The following CDS1 variants were observed in gnomAD, a reference collection of about 807,000 sequenced individuals.
The protein encoded by CDS1 is phosphatidate cytidylyltransferase 1.
In CDS1, 41 loss-of-function variants were observed where a neutral mutation model predicts 62.1. That is an observed-to-expected ratio of 0.66 (90% CI 0.51 to 0.86). The LOEUF is 0.86. CDS1 is among the 40% of genes least tolerant of loss of function. The pLI is 0.00. For synonymous variants in CDS1, 185 were observed against 192.6 expected, an observed-to-expected ratio of 0.96 and a Z score of 0.32; for missense variants, 470 against 550.1, an observed-to-expected ratio of 0.85 and a Z score of 1.46.
chr4:84,613,634 A>G (rs1723400533), intron 3 of CDS1, among the ~76,000 whole-genome samples: 2 of 152,186 alleles, frequency 1.3e-5, no homozygotes, highest in African/African-American at 2.4e-5. Context: ...CAAAACTTCT[A>G]GGAAATTACA....
At chr4:84,623,100 A>G (rs1723741254) in intron 5 of CDS1, among the ~76,000 whole-genome samples, 1 of 151,990 alleles carries the variant, frequency 6.6e-6, no homozygotes, top group African/African-American at 2.4e-5. Context: ...GCCTTTTTTC[A>G]TGGAGACTTC....
rs778849082 is a variant in CDS1 at position 84,617,672 on chromosome 4, T to C, written c.440+11T>C. On this transcript the variant is annotated intron_variant, in intron 4 of 12. Transcript: ENST00000295887. ...TAGAACACTAAGTTGGTAAGTAAGCTTGAAACTATTTCAGATATGAAAAGT... is the reference window on the plus strand; with the variant it reads ...TAGAACACTAAGTTGGTAAGTAAGCCTGAAACTATTTCAGATATGAAAAGT... 7.9e-7 allele frequency: 1 copy of C among 1,263,596 alleles called. No individual in the cohort carries two copies. 78.3% of individuals were successfully genotyped at this position (1,263,596 alleles called of 1,614,324 possible). A position where few individuals can be genotyped will look rare whatever the true frequency, so the allele number is the denominator to read the frequency against.
rs190590148 is a variant in CDS1 at position 84,637,783 on chromosome 4, C to T, written c.811-1141C>T. Among the ~76,000 whole-genome samples the T allele has an allele frequency of 2.8e-4, 42 of 152,266 alleles. 1 individual carries two copies. The East Asian group carries it at 7.5e-3, about 27-fold the overall frequency. On this transcript the variant is annotated intron_variant, in intron 8 of 12. Coordinates refer to ENST00000295887, the MANE Select transcript of CDS1 (RefSeq NM_001263.4). ...ATAATTGAACAGTTAACCCCTAAATCGATATGATATGCATCAATTTAATTT... is the reference window on the plus strand; with the variant it reads ...ATAATTGAACAGTTAACCCCTAAATTGATATGATATGCATCAATTTAATTT...
At chr4:84,607,819 G>A (rs1164922571) in intron 2 of CDS1, among the ~76,000 whole-genome samples, 1 of 152,016 alleles carries the variant, frequency 6.6e-6, no homozygotes, top group Non-Finnish European at 1.5e-5. Flanking sequence ...AAAATCTCTT[G>A]TAACATAATT....
chr4:84,626,418 C>T (rs1723863600), intron 5 of CDS1, among the ~76,000 whole-genome samples: 2 of 152,084 alleles, frequency 1.3e-5, no homozygotes, highest in Non-Finnish European at 2.9e-5. Context: ...TACATCACAC[C>T]AGGATATTGA....
At chr4:84,584,364 T>C (rs939753016) in intron 1 of CDS1, among the ~76,000 whole-genome samples, 1 of 152,208 alleles carries the variant, frequency 6.6e-6, no homozygotes, top group Non-Finnish European at 1.5e-5. Context: ...AGAGAATAGA[T>C]TGTTGTATCA....
At chr4:84,583,553 T>C (rs1578009309) in intron 1 of CDS1, 35 bp downstream of exon 1, 1 of 1,326,214 alleles carries the variant, frequency 7.5e-7, no homozygotes, top group Non-Finnish European at 1.0e-6. Context: ...CGCCGCGCCC[T>C]GGCTGGGTCC....
At chr4:84,616,993 CAGCCAG>C (rs1182428743) in intron 3 of CDS1, among the ~76,000 whole-genome samples, 2 of 152,180 alleles carry the variant, frequency 1.3e-5, no homozygotes, top group Non-Finnish European at 2.9e-5. Flanking sequence ...TTAGATTGAG[CAGCCAG>C]TAGCTGGCTA....
chr4:84,630,478 A>G (rs1185194192), intron 5 of CDS1, among the ~76,000 whole-genome samples: 1 of 152,186 alleles, frequency 6.6e-6, no homozygotes, highest in Non-Finnish European at 1.5e-5. Flanking sequence ...AAAGTAGCGA[A>G]AGGCAGCTGC....
At chr4:84,612,988 CAAAA>C (rs779175772) in intron 3 of CDS1, among the ~76,000 whole-genome samples, 6 of 60,624 alleles carry the variant, frequency 9.9e-5, no homozygotes, top group Non-Finnish European at 1.0e-4. Context: ...GATCCTGTCT[CAAAA>C]AAAAAAAAAA....
At chr4:84,633,736 T>C (rs1215662297) in intron 6 of CDS1, 121 bp from the exon 7 acceptor site, 8 of 480,082 alleles carry the variant, frequency 1.7e-5, no homozygotes, top group Middle Eastern at 3.1e-4. Context: ...TTTATATGAC[T>C]CTAACTTGTA....
At chr4:84,613,558 C>T (rs925632731) in intron 3 of CDS1, among the ~76,000 whole-genome samples, 3 of 151,948 alleles carry the variant, frequency 2.0e-5, no homozygotes, top group Non-Finnish European at 4.4e-5. Flanking sequence ...TTCAGTGAGC[C>T]GAGATCGCGC....
At chr4:84,592,226 C>T (rs1309891548) in intron 1 of CDS1, among the ~76,000 whole-genome samples, 3 of 130,870 alleles carry the variant, frequency 2.3e-5, no homozygotes, top group Admixed American at 1.9e-4. Context: ...TGCAGTGGCA[C>T]GATCTTGGGT....
At chr4:84,608,618 A>G (rs1723208548) in intron 2 of CDS1, among the ~76,000 whole-genome samples, 2 of 152,196 alleles carry the variant, frequency 1.3e-5, no homozygotes, top group South Asian at 4.1e-4. Flanking sequence ...CATTTCACTG[A>G]AATCACTGTT....
At chr4:84,634,091 T>C (rs1724105913) in intron 7 of CDS1, 152 bp downstream of exon 7, 1 of 421,446 alleles carries the variant, frequency 2.4e-6, no homozygotes, top group African/African-American at 2.0e-5. Context: ...TGCTTACTCT[T>C]TGACAACTAA....
chr4:84,625,063 G>A (rs953512405), intron 5 of CDS1, among the ~76,000 whole-genome samples: 4 of 152,046 alleles, frequency 2.6e-5, no homozygotes, highest in Non-Finnish European at 5.9e-5. Flanking sequence ...GTTTCACTAT[G>A]TTGCTCAGGC....
At chr4:84,639,164 A>G (rs778313384) in intron 9 of CDS1, among the ~76,000 whole-genome samples, 172 bp downstream of exon 9, 133 of 152,312 alleles carry the variant, frequency 8.7e-4, no homozygotes, top group Middle Eastern at 3.4e-3. Flanking sequence ...CTGGCTACAT[A>G]TAGAATCACC....
At chr4:84,601,106 G>C (rs1476087715) in intron 1 of CDS1, among the ~76,000 whole-genome samples, 1 of 147,858 alleles carries the variant, frequency 6.8e-6, no homozygotes, top group Non-Finnish European at 1.5e-5. Flanking sequence ...CCAGGAGTCT[G>C]AGGTTGCCAT....
At chr4:84,648,468 A>G in intron 12 of CDS1, 89 bp from the exon 13 acceptor site, 1 of 1,215,364 alleles carries the variant, frequency 8.2e-7, no homozygotes, top group Non-Finnish European at 1.2e-6. Context: ...CTACACTTAA[A>G]GGAATGGTTT....
Sources: gnomAD v4.1 joint callset for allele counts (sites outside exome capture counted in the v4.1 genomes callset) on GRCh38, gnomAD v4.1.1 for gene constraint, MANE v1.5 for transcripts, NCBI Gene and HGNC (gene_info 2026-07-23, HGNC 2026-07-21) for gene names.